RAB35: variants seen among roughly 807,000 people sequenced by gnomAD.
RAB35 encodes ras-related protein Rab-35.
A neutral mutation model predicts 28.9 loss-of-function variants in RAB35; 4 were observed. The observed-to-expected ratio is 0.14, with a 90% CI of 0.07 to 0.32. The LOEUF is 0.32. Among genes scored for constraint, RAB35 ranks in the 10% least tolerant of loss-of-function variants. The pLI, the probability that RAB35 is intolerant of heterozygous loss-of-function variation, is 1.00. For missense variants in RAB35, 128 were observed against 274.0 expected (o/e 0.47, Z 3.76); for synonymous variants, 99 against 105.1 (o/e 0.94, Z 0.35).
intron 1 of RAB35, among the ~76,000 whole-genome samples, chr12:120,114,821 G>C (rs1262733988): frequency 1.3e-5 from 2 of 152,194 alleles, no homozygotes; most frequent in Non-Finnish European, 2.9e-5. Context: ...GCATCTTCCT[G>C]CTGAGTTTAG....
intron 1 of RAB35, among the ~76,000 whole-genome samples, chr12:120,110,197 ATT>A (rs1876056744): frequency 6.6e-6 from 1 of 151,774 alleles, no homozygotes; most frequent in South Asian, 2.1e-4. Context: ...CTCCTGTTAG[ATT>A]TTTAATGAAA....
At position 120,100,118 on chromosome 12, in the gene RAB35, C is replaced by A. The variant is rs79234215; in HGVS notation, c.228-964G>T. On this transcript the variant is annotated intron_variant, in intron 3 of 5. Coordinates refer to ENST00000229340, the MANE Select transcript of RAB35 (RefSeq NM_006861.7). Reference sequence around the variant, plus strand: ...CCCCAGCCCTAATTACCTCCACCCCCATGAGGTTCATGGGGACAGCCCAAG... The same window carrying A: ...CCCCAGCCCTAATTACCTCCACCCCAATGAGGTTCATGGGGACAGCCCAAG... 2.0e-5 allele frequency among the ~76,000 whole-genome samples: 3 copies of A among 152,360 alleles called. No individual in the cohort carries two copies. The East Asian group carries it at 5.8e-4, about 29-fold the overall frequency.
At chr12:120,116,345 T>C (rs1876334931) in intron 1 of RAB35, among the ~76,000 whole-genome samples, 1 of 152,052 alleles carries the variant, frequency 6.6e-6, no homozygotes, top group South Asian at 2.1e-4. Flanking sequence ...TCGCGCGACT[T>C]GACCAAGGTC....
chr12:120,110,876 G>A (rs571852301), intron 1 of RAB35, among the ~76,000 whole-genome samples: 5 of 152,202 alleles, frequency 3.3e-5, no homozygotes, highest in African/African-American at 7.2e-5. Context: ...TCCTTGCTCC[G>A]CCGTGAGGCT....
At chr12:120,116,516 C>T in intron 1 of RAB35, 83 bp downstream of exon 1, 3 of 909,490 alleles carry the variant, frequency 3.3e-6, no homozygotes, top group Non-Finnish European at 3.9e-6. Context: ...GGGCCGGCAC[C>T]TCCCCGCCCG....
chr12:120,098,829 C>T lies in RAB35; in HGVS notation c.459G>A (p.Glu153=). 1 of 1,614,228 alleles carries T rather than the reference C, an allele frequency of 6.2e-7. No individual in the cohort carries two copies. The highest frequency in any genetic ancestry group is 1.1e-5 in the South Asian group (1 of 91,080). The change falls in exon 5 of 6, where the codon GAG becomes GAA. Residue 153 remains glutamate (E), a synonymous_variant. Transcript: ENST00000229340. ...GIQLFETSAK[E]NVNVEEMFNC... is the part of the protein sequence containing the mutation. ...GCCTCACCTCTTCCACGTTGACATT[C>T]TCCTTGGCGCTGGTCTCGAACAACT...
chr12:120,098,982 C>T (rs1379738025), intron 4 of RAB35, 47 bp from the exon 5 acceptor site: 2 of 1,613,884 alleles, frequency 1.2e-6, no homozygotes, highest in South Asian at 1.1e-5. Flanking sequence ...GCGCAGCCGG[C>T]TGCCTCTCTC....
At position 120,097,035 on chromosome 12, in the gene RAB35, G is replaced by T; in HGVS notation, c.*210C>A. Reference sequence around the variant, plus strand: ...AGGCGCCTTGGCCGGGGAGGAGGGGGCACCAGTAGGGAAGGGCGGGCTGGT... The same window carrying T: ...AGGCGCCTTGGCCGGGGAGGAGGGGTCACCAGTAGGGAAGGGCGGGCTGGT... On this transcript the variant is annotated 3_prime_UTR_variant, in exon 6 of 6. Coordinates refer to ENST00000229340, the MANE Select transcript of RAB35 (RefSeq NM_006861.7). The T allele has an allele frequency of 6.6e-7, 1 of 1,520,792 alleles. No individual in the cohort carries two copies. Among genetic ancestry groups the T allele is most frequent in the Middle Eastern group, 1.7e-4 (1 of 5,904 alleles). 94.2% of individuals were successfully genotyped at this position (1,520,792 alleles called of 1,614,324 possible). A position where few individuals can be genotyped will look rare whatever the true frequency, so the allele number is the denominator to read the frequency against.
In RAB35 at chr12:120,110,731, C is replaced by T. The variant is rs373528508; in HGVS notation, c.53-2264G>A. On this transcript the variant is annotated intron_variant, in intron 1 of 5. Coordinates refer to ENST00000229340, the MANE Select transcript of RAB35 (RefSeq NM_006861.7). ...TTCTCCTGGTGAGTGAGCTGCCCCA[C>T]GATGCCCAGAAGAACTTGTTTCACT... Among the ~76,000 whole-genome samples, 10 of 152,350 alleles carry T rather than the reference C, an allele frequency of 6.6e-5. No homozygotes were observed. The South Asian group carries it at 1.7e-3, about 25-fold the overall frequency.
intron 3 of RAB35, among the ~76,000 whole-genome samples, chr12:120,101,488 A>G (rs940413273): frequency 2.0e-5 from 3 of 152,202 alleles, no homozygotes; most frequent in African/African-American, 7.2e-5. Context: ...TTTTCTCGCC[A>G]GGCTAACAGG....
chr12:120,098,248 G>C (rs1023284249), intron 5 of RAB35, among the ~76,000 whole-genome samples: 6 of 152,254 alleles, frequency 3.9e-5, no homozygotes, highest in Non-Finnish European at 7.3e-5. Context: ...AGGTGACCCG[G>C]GGTCTGCCTG....
chr12:120,108,474 G>C lies in RAB35; in HGVS notation c.53-7C>G, dbSNP rs751278195. 4 of 1,613,648 alleles carry C rather than the reference G, an allele frequency of 2.5e-6. No individual in the cohort carries two copies. The highest frequency in any genetic ancestry group is 3.3e-5 in the Admixed American group (2 of 59,998). On this transcript the variant is annotated splice_region_variant and splice_polypyrimidine_tract_variant and intron_variant, in intron 1 of 5. Coordinates refer to ENST00000229340, the MANE Select transcript of RAB35 (RefSeq NM_006861.7). ...AAACTGCTCTTGCCCACACCTGCAA[G>C]AGAGAAAGCACTGCGATGAGGGGGG... is the stretch of plus-strand genomic sequence containing the variant.
Position 120,096,830 on chromosome 12 carries a change from A to C in RAB35, c.*415T>G, listed in dbSNP as rs1262701400. 4 of 1,294,716 alleles carry C rather than the reference A, an allele frequency of 3.1e-6. No individual in the cohort carries two copies. Among genetic ancestry groups the C allele is most frequent in the South Asian group, 2.5e-5 (2 of 81,064 alleles). 80.2% of individuals were successfully genotyped at this position (1,294,716 alleles called of 1,614,324 possible). A position where few individuals can be genotyped will look rare whatever the true frequency, so the allele number is the denominator to read the frequency against. ...AGCTAGAACGTGCCGCTGTCTCCTC[A>C]GGACGCTGCTTGCAGTAAGATGGGC... On this transcript the variant is annotated 3_prime_UTR_variant, in exon 6 of 6. Coordinates refer to ENST00000229340, the MANE Select transcript of RAB35 (RefSeq NM_006861.7).
rs1320050267 is a variant in RAB35, at chr12:120,103,030, A to G, written c.227+796T>C. On this transcript the variant is annotated intron_variant, in intron 3 of 5. Transcript: ENST00000229340. This position sits in a 1 kb window ranked among gnomAD's most constrained non-coding sequence, Gnocchi z 6.1. ...CGGCACGCACGTTGACGCCTGCAGC[A>G]GAGCACCTGGCACCCTCCACATGGA... Among the ~76,000 whole-genome samples, 1 of 152,224 alleles carries G rather than the reference A, an allele frequency of 6.6e-6. No individual in the cohort carries two copies. The highest frequency in any genetic ancestry group is 1.9e-4 in the East Asian group (1 of 5,194).
At chr12:120,111,424 G>A (rs1227411281) in intron 1 of RAB35, among the ~76,000 whole-genome samples, 4 of 151,998 alleles carry the variant, frequency 2.6e-5, no homozygotes, top group Non-Finnish European at 4.4e-5. Context: ...GCTCACACCC[G>A]TAATCCCAGC....
At chr12:120,115,956 G>A (rs955225822) in intron 1 of RAB35, among the ~76,000 whole-genome samples, 2 of 152,154 alleles carry the variant, frequency 1.3e-5, no homozygotes, top group Admixed American at 6.5e-5. Context: ...GAACCACGCA[G>A]GGATATAATA....
rs1290914620 is a variant in RAB35 at position 120,096,471 on chromosome 12, C to T, written c.*774G>A. 2.3e-5 allele frequency: 30 copies of T among 1,289,882 alleles called. No homozygotes were observed. The Admixed American group carries it at 3.0e-4, about 13-fold the overall frequency. 79.9% of individuals were successfully genotyped at this position (1,289,882 alleles called of 1,614,324 possible). ...GCCCCATCTCTGCACGAACCTACCC[C>T]GACCTTTCTGTTGGAACTGAAACCT... On this transcript the variant is annotated 3_prime_UTR_variant, in exon 6 of 6. Coordinates refer to ENST00000229340, the MANE Select transcript of RAB35 (RefSeq NM_006861.7).
intron 2 of RAB35, among the ~76,000 whole-genome samples, chr12:120,106,985 C>T (rs910186001): frequency 1.3e-5 from 2 of 151,646 alleles, no homozygotes; most frequent in African/African-American, 4.8e-5. Context: ...TGTAATGAAC[C>T]TGATTTTTTT....
chr12:120,103,975 G>C lies in RAB35; in HGVS notation c.104-26C>G, dbSNP rs1875764816. 3 of 1,612,050 alleles carry C rather than the reference G, an allele frequency of 1.9e-6. No homozygotes were observed. The Middle Eastern group carries it at 5.0e-4, about 267-fold the overall frequency. On this transcript the variant is annotated intron_variant, in intron 2 of 5. Transcript: ENST00000229340. This position sits in a 1 kb window ranked among gnomAD's most constrained non-coding sequence, Gnocchi z 6.1. The stretch of plus-strand genomic sequence containing the variant: ...CTGCACACACAGGGCAGTTAACGAG[G>C]CCCAGCGCGGTATCTTCCCAGGCCC...
Sources: gnomAD v4.1 joint callset for allele counts (sites outside exome capture counted in the v4.1 genomes callset) on GRCh38, gnomAD v4.1.1 for gene constraint, Gnocchi (gnomAD v3.1) non-coding constraint, MANE v1.5 for transcripts, NCBI Gene and HGNC (gene_info 2026-07-23, HGNC 2026-07-21) for gene names.